Variants in FGF14 observed in about 807,000 individuals in gnomAD.
FGF14 encodes fibroblast growth factor homologous factor 4.
Under a neutral mutation model 25.5 loss-of-function variants are expected in FGF14, and 5 were observed. The ratio of observed to expected loss-of-function variants is 0.20; its 90% CI spans 0.10 to 0.41. The LOEUF (loss-of-function observed/expected upper bound fraction) is 0.41. Ranked by LOEUF, FGF14 falls within the 10% of genes least tolerant of loss-of-function variation. The pLI is 1.00. For synonymous variants in FGF14, 138 were observed against 118.3 expected (o/e 1.17, Z -1.08); for missense variants, 222 against 320.1 (o/e 0.69, Z 2.34).
At chr13:101,897,489 A>G (rs995028060) in intron 1 of FGF14, among the ~76,000 whole-genome samples, 1 of 152,160 alleles carries the variant, frequency 6.6e-6, no homozygotes, top group Non-Finnish European at 1.5e-5. Context: ...CAGGGTGCTT[A>G]TGAGTAAGAA....
intron 3 of FGF14, among the ~76,000 whole-genome samples, chr13:101,753,955 G>A (rs1260340933): frequency 6.6e-6 from 1 of 152,028 alleles, no homozygotes; most frequent in Non-Finnish European, 1.5e-5. Context: ...ATTGAACACT[G>A]CCCATGAAAA....
At chr13:102,192,345 A>C (rs2049160061) in intron 1 of FGF14, among the ~76,000 whole-genome samples, 1 of 152,122 alleles carries the variant, frequency 6.6e-6, no homozygotes, top group African/African-American at 2.4e-5. Flanking sequence ...ATTGATCTCT[A>C]TTCCTGGCCT....
intron 3 of FGF14, among the ~76,000 whole-genome samples, chr13:101,849,509 G>T (rs774776131): frequency 7.2e-5 from 11 of 152,082 alleles, no homozygotes; most frequent in South Asian, 4.1e-4. Flanking sequence ...CACTGATGTA[G>T]AAGATGCCGG....
intron 3 of FGF14, among the ~76,000 whole-genome samples, chr13:101,763,292 G>T (rs543687430): frequency 2.0e-5 from 3 of 152,240 alleles, no homozygotes; most frequent in Non-Finnish European, 4.4e-5. Context: ...GTAAGGCAAG[G>T]GGTGCTCTCT....
chr13:102,253,894 T>C (rs1199265187), intron 1 of FGF14, among the ~76,000 whole-genome samples: 2 of 152,208 alleles, frequency 1.3e-5, no homozygotes, highest in African/African-American at 4.8e-5. Flanking sequence ...TGATTAGAAG[T>C]AAACTGGGAT....
In FGF14 at chr13:101,716,957, G is replaced by A. The variant is rs1442157461; in HGVS notation, c.*5874C>T. ...TTGGGACTTCCCTTACATATTTACAGGTAAATCTACTTATACACATTAGTT... is the reference window on the plus strand; with the variant it reads ...TTGGGACTTCCCTTACATATTTACAAGTAAATCTACTTATACACATTAGTT... On this transcript the variant is annotated 3_prime_UTR_variant, in exon 5 of 5. Transcript: ENST00000376143. 6.6e-6 allele frequency: 1 copy of A among 151,786 alleles called. No homozygotes were observed. The highest frequency in any genetic ancestry group is 2.4e-5 in the African/African-American group (1 of 41,340). The allele number at this position is 151,786 out of a possible 1,614,324, so 9.4% of individuals were successfully genotyped here. A position where few individuals can be genotyped will look rare whatever the true frequency, so the allele number is the denominator to read the frequency against.
intron 1 of FGF14, chr13:102,263,299 G>A (rs1472145568): frequency 3.5e-6 from 1 of 285,384 alleles, no homozygotes; most frequent in East Asian, 1.0e-4. Flanking sequence ...TTGAGCTTTA[G>A]TAAGGTGGAC....
intron 1 of FGF14, among the ~76,000 whole-genome samples, chr13:102,369,905 G>A (rs988643353): frequency 3.9e-5 from 6 of 152,102 alleles, no homozygotes; most frequent in Admixed American, 3.3e-4. Flanking sequence ...AATGCTGAGC[G>A]ACAAAGCTAA....
chr13:101,731,123 C>T (rs1167710526), intron 3 of FGF14, among the ~76,000 whole-genome samples: 1 of 152,060 alleles, frequency 6.6e-6, no homozygotes, highest in Non-Finnish European at 1.5e-5. Flanking sequence ...GCAGCAAGAA[C>T]CAAAGAAAGA....
intron 2 of FGF14, among the ~76,000 whole-genome samples, chr13:101,873,409 AC>A: frequency 6.6e-6 from 1 of 152,068 alleles, no homozygotes; most frequent in Middle Eastern, 3.2e-3. Context: ...TGTCTTGAAA[AC>A]TTTTGTCATA....
chr13:102,155,581 C>A (rs555473489), intron 1 of FGF14, among the ~76,000 whole-genome samples: 1 of 151,954 alleles, frequency 6.6e-6, no homozygotes, highest in East Asian at 1.9e-4. Context: ...AAATTGACAC[C>A]CTAACATCAC....
At chr13:101,731,792 T>C in intron 3 of FGF14, among the ~76,000 whole-genome samples, 1 of 152,178 alleles carries the variant, frequency 6.6e-6, no homozygotes, top group Non-Finnish European at 1.5e-5. Context: ...CCAAACACAA[T>C]TTTCACCTGT....
chr13:102,381,523 G>C (rs1367006634), intron 1 of FGF14, among the ~76,000 whole-genome samples: 3 of 152,056 alleles, frequency 2.0e-5, no homozygotes, highest in African/African-American at 7.2e-5. Context: ...TGAATTTGCT[G>C]GTGCATTGAT....
intron 1 of FGF14, among the ~76,000 whole-genome samples, chr13:102,196,910 GT>G (rs2049380813): frequency 1.4e-5 from 2 of 147,804 alleles, no homozygotes; most frequent in African/African-American, 5.3e-5. Context: ...GTTACCAGTG[GT>G]TTATCTTTGA....
Position 102,389,749 on chromosome 13 carries a change from T to C in FGF14, c.208+11722A>G, listed in dbSNP as rs1262024306. 2.0e-5 allele frequency among the ~76,000 whole-genome samples: 3 copies of C among 152,176 alleles called. No individual in the cohort carries two copies. In the East Asian group the frequency reaches 5.8e-4, roughly 29 times the overall value. ...CCACTGAGCAATGACACAAATCCGC[T>C]GTGAGCAAGCATCCACCTGAGACAC... On this transcript the variant is annotated intron_variant, in intron 1 of 4. Transcript: ENST00000376131.
At chr13:102,036,590 G>A (rs2041484318) in intron 1 of FGF14, among the ~76,000 whole-genome samples, 1 of 151,912 alleles carries the variant, frequency 6.6e-6, no homozygotes, top group Admixed American at 6.6e-5. Flanking sequence ...CATAAGTTAC[G>A]GTATTTATAT....
In FGF14 at chr13:101,719,121, A is replaced by G. The variant is rs2072501242; in HGVS notation, c.*3710T>C. 1 of 152,150 alleles carries G rather than the reference A, an allele frequency of 6.6e-6. No homozygotes were observed. The highest frequency in any genetic ancestry group is 6.6e-5 in the Admixed American group (1 of 15,262). The allele number at this position is 152,150 out of a possible 1,614,324, so 9.4% of individuals were successfully genotyped here. ...TGGTCTCTTTTTGAATATGTATCAA[A>G]TATTAATGATCCATAATATTAGGGA... On this transcript the variant is annotated 3_prime_UTR_variant, in exon 5 of 5. Coordinates refer to ENST00000376143, the MANE Select transcript of FGF14 (RefSeq NM_004115.4).
At chr13:101,992,179 T>C (rs745905151) in intron 1 of FGF14, among the ~76,000 whole-genome samples, 4 of 152,104 alleles carry the variant, frequency 2.6e-5, no homozygotes, top group Admixed American at 1.3e-4. Flanking sequence ...CAGAGGATTA[T>C]AGCTGAAAGA....
intron 1 of FGF14, among the ~76,000 whole-genome samples, chr13:101,887,542 A>G (rs1383215504): frequency 6.6e-6 from 1 of 152,054 alleles, no homozygotes; most frequent in Non-Finnish European, 1.5e-5. Flanking sequence ...AAAATAGTTG[A>G]TCTCACGGAG....
Sources: gnomAD v4.1 joint callset for allele counts (sites outside exome capture counted in the v4.1 genomes callset) on GRCh38, gnomAD v4.1.1 for gene constraint, MANE v1.5 for transcripts, NCBI Gene and HGNC (gene_info 2026-07-23, HGNC 2026-07-21) for gene names.